PCDHA2: variants seen among roughly 807,000 people sequenced by gnomAD.
PCDHA2 encodes protocadherin alpha-2.
A neutral mutation model predicts 66.0 loss-of-function variants in PCDHA2; 58 were observed. That is an observed-to-expected ratio of 0.88 (90% CI 0.71 to 1.09). The LOEUF is 1.09. PCDHA2 is among the 50% of genes least tolerant of loss of function. The pLI, the probability that PCDHA2 is intolerant of heterozygous loss-of-function variation, is 0.00. For missense variants in PCDHA2, 1,267 were observed against 1,242.3 expected (o/e 1.02, Z -0.30); for synonymous variants, 634 against 554.0 (o/e 1.14, Z -2.03).
intron 1 of PCDHA2, chr5:140,841,738 G>A (rs2150321831): frequency 1.9e-6 from 3 of 1,613,784 alleles, no homozygotes; most frequent in South Asian, 1.1e-5. Context: ...AAGACCAAAA[G>A]CTGTTTGTTT....
At position 140,856,354 on chromosome 5, in the gene PCDHA2, C is replaced by T. The variant is rs2043948019; in HGVS notation, c.2388+59002C>T. On this transcript the variant is annotated intron_variant, in intron 1 of 3. Coordinates refer to ENST00000526136, the MANE Select transcript of PCDHA2 (RefSeq NM_018905.3). ...TGTGCGGGCGGAGCGTGGAGTGCAGCATCCACCTGGAGGTGATCGTGGACA... is the reference window on the plus strand; with the variant it reads ...TGTGCGGGCGGAGCGTGGAGTGCAGTATCCACCTGGAGGTGATCGTGGACA... The T allele has an allele frequency of 3.8e-6, 6 of 1,598,616 alleles. 1 individual carries two copies. Among genetic ancestry groups the T allele is most frequent in the African/African-American group, 2.7e-5 (2 of 74,434 alleles).
intron 1 of PCDHA2, among the ~76,000 whole-genome samples, chr5:140,939,737 G>GTA (rs1554212873): frequency 6.6e-6 from 1 of 152,160 alleles, no homozygotes; most frequent in Non-Finnish European, 1.5e-5. Flanking sequence ...GTGTAGCTGT[G>GTA]TATCATTCAT....
chr5:140,828,220 C>T (rs1181528476), intron 1 of PCDHA2: 3 of 1,613,934 alleles, frequency 1.9e-6, no homozygotes, highest in Non-Finnish European at 1.7e-6. Flanking sequence ...AACACGGCAC[C>T]TTCGTGGGCC....
At chr5:140,797,558 C>A in intron 1 of PCDHA2, 1 of 699,672 alleles carries the variant, frequency 1.4e-6, no homozygotes, top group Non-Finnish European at 2.4e-6. Context: ...CTTATTTTTA[C>A]ATTTTGGCAC....
At chr5:140,928,143 C>T (rs983552748) in intron 1 of PCDHA2, 2 of 1,614,228 alleles carry the variant, frequency 1.2e-6, no homozygotes, top group Middle Eastern at 1.6e-4. Context: ...TGATCACGGC[C>T]TCAGATAGTG....
chr5:140,923,665 C>T (rs369836298), intron 1 of PCDHA2, among the ~76,000 whole-genome samples: 77 of 152,288 alleles, frequency 5.1e-4, no homozygotes, highest in African/African-American at 1.6e-3. Flanking sequence ...TTTGGGATAT[C>T]GTTCTCTCTT....
At chr5:140,972,798 A>G (rs782291338) in intron 1 of PCDHA2, among the ~76,000 whole-genome samples, 6 of 151,178 alleles carry the variant, frequency 4.0e-5, no homozygotes, top group Admixed American at 2.6e-4. Flanking sequence ...TGAGTAGCTG[A>G]GATTACAGGC....
At chr5:140,800,088 A>C (rs187224509) in intron 1 of PCDHA2, among the ~76,000 whole-genome samples, 1 of 152,180 alleles carries the variant, frequency 6.6e-6, no homozygotes, top group South Asian at 2.1e-4. Context: ...CTAGAAATTC[A>C]TCAGGAGTGG....
At chr5:140,829,130 G>C (rs2150162751) in intron 1 of PCDHA2, 2 of 1,612,558 alleles carry the variant, frequency 1.2e-6, no homozygotes, top group Admixed American at 3.3e-5. Flanking sequence ...AAATGATAAC[G>C]TCCCTGAGAT....
intron 1 of PCDHA2, chr5:140,849,645 C>A: frequency 6.3e-7 from 1 of 1,598,746 alleles, no homozygotes; most frequent in Non-Finnish European, 8.6e-7. Flanking sequence ...TGCCAACGGG[C>A]AGGTTACCTG....
Position 140,823,986 on chromosome 5 carries a change from T to A in PCDHA2, c.2388+26634T>A, listed in dbSNP as rs2150131156. On this transcript the variant is annotated intron_variant, in intron 1 of 3. Coordinates refer to ENST00000526136, the MANE Select transcript of PCDHA2 (RefSeq NM_018905.3). ...CCGTGTGCACACGGGGCAAGCCCAC[T>A]CTGTTGTGCTCCAGCGCGGTGGGGA... The A allele has an allele frequency of 3.9e-5, 63 of 1,613,776 alleles. No individual in the cohort carries two copies. The Admixed American group carries it at 1.0e-3, about 27-fold the overall frequency.
At chr5:140,852,978 A>T in intron 1 of PCDHA2, 1 of 358,934 alleles carries the variant, frequency 2.8e-6, no homozygotes, top group Non-Finnish European at 4.1e-6. Flanking sequence ...TCCCGTGTTC[A>T]CGCCATTCTC....
At chr5:140,830,464 A>T (rs2150186873) in intron 1 of PCDHA2, 1 of 1,576,848 alleles carries the variant, frequency 6.3e-7, no homozygotes, top group Non-Finnish European at 8.6e-7. Flanking sequence ...ATCAGGATTT[A>T]AATGAAGATC....
chr5:140,857,746 G>C lies in PCDHA2; in HGVS notation c.2388+60394G>C. 5.0e-6 allele frequency: 8 copies of C among 1,597,368 alleles called. No homozygotes were observed. In the South Asian group the frequency reaches 8.8e-5, roughly 18 times the overall value. On this transcript the variant is annotated intron_variant, in intron 1 of 3. Coordinates refer to ENST00000526136, the MANE Select transcript of PCDHA2 (RefSeq NM_018905.3). ...ACGACAACGCTCCCGCGCTGCTGGC[G>C]TCTCCCGCTGGCAGCGCGGGCGGTG...
chr5:140,943,657 C>T (rs531235288), intron 1 of PCDHA2, among the ~76,000 whole-genome samples: 51 of 151,756 alleles, frequency 3.4e-4, no homozygotes, highest in African/African-American at 1.2e-3. Flanking sequence ...CATCTATGAA[C>T]AATGTATAAA....
intron 1 of PCDHA2, among the ~76,000 whole-genome samples, chr5:140,900,615 T>C (rs1554189289): frequency 1.3e-5 from 2 of 152,336 alleles, no homozygotes; most frequent in East Asian, 3.9e-4. Context: ...GACATGTAGA[T>C]TGCTTCCAAA....
chr5:140,967,072 C>A, intron 1 of PCDHA2: 7 of 1,613,106 alleles, frequency 4.3e-6, no homozygotes, highest in Non-Finnish European at 5.9e-6. Context: ...TCTTCGTCAA[C>A]GAGCGCATTG....
At chr5:140,994,785 A>G (rs942763350) in intron 3 of PCDHA2, among the ~76,000 whole-genome samples, 2 of 152,168 alleles carry the variant, frequency 1.3e-5, no homozygotes, top group African/African-American at 4.8e-5. Flanking sequence ...AAAGGAAACA[A>G]TGCGTGCATG....
At position 140,884,762 on chromosome 5, in the gene PCDHA2, A is replaced by T. The variant is rs491169; in HGVS notation, c.2388+87410A>T. 4,163 of 1,423,128 alleles carry T rather than the reference A, an allele frequency of 2.9e-3. 95 individuals carry two copies. The African/African-American group carries it at 0.053, about 18-fold the overall frequency. 88.2% of individuals were successfully genotyped at this position (1,423,128 alleles called of 1,614,324 possible). A position where few individuals can be genotyped will look rare whatever the true frequency, so the allele number is the denominator to read the frequency against. On this transcript the variant is annotated intron_variant, in intron 1 of 3. Coordinates refer to ENST00000526136, the MANE Select transcript of PCDHA2 (RefSeq NM_018905.3). ...TCCTGCCAATTTCAAATTATTCTTT[A>T]CTTTAATTTTAATTTTGCTAGTTGT...
Sources: gnomAD v4.1 joint callset for allele counts (sites outside exome capture counted in the v4.1 genomes callset) on GRCh38, gnomAD v4.1.1 for gene constraint, MANE v1.5 for transcripts, NCBI Gene and HGNC (gene_info 2026-07-23, HGNC 2026-07-21) for gene names.